Variants in GTPBP4 observed in about 807,000 individuals in gnomAD.
The protein encoded by GTPBP4 is GTP-binding protein 4.
In GTPBP4, 15 loss-of-function variants were observed where a neutral mutation model predicts 81.7. That is an observed-to-expected ratio of 0.18 (90% CI 0.12 to 0.28). The LOEUF (loss-of-function observed/expected upper bound fraction) is 0.28. Among genes scored for constraint, GTPBP4 ranks in the 10% least tolerant of loss-of-function variants. The probability of loss-of-function intolerance (pLI) is 1.00; values close to 1 mark genes in which losing one functional copy is unlikely to be tolerated. For missense variants in GTPBP4, 847 were observed against 793.8 expected, an observed-to-expected ratio of 1.07 and a Z score of -0.81; for synonymous variants, 272 against 274.6, an observed-to-expected ratio of 0.99 and a Z score of 0.09.
In GTPBP4 at chr10:1,019,916, T is replaced by C. The variant is rs572501482; in HGVS notation, c.*2689T>C. ...AGAAAAATAGAGAAAATAAACACATTTGTTTTCCTCAGAAAATGAACACTT... is the reference window on the plus strand; with the variant it reads ...AGAAAAATAGAGAAAATAAACACATCTGTTTTCCTCAGAAAATGAACACTT... On this transcript the variant is annotated 3_prime_UTR_variant, in exon 17 of 17. Coordinates refer to ENST00000360803, the MANE Select transcript of GTPBP4 (RefSeq NM_012341.3). The C allele has an allele frequency of 1.5e-4, 152 of 1,046,562 alleles. No individual in the cohort carries two copies. The African/African-American group carries it at 2.2e-3, about 15-fold the overall frequency. The allele number at this position is 1,046,562 out of a possible 1,614,324, so 64.8% of individuals were successfully genotyped here.
chr10:1,007,098 C>T lies in GTPBP4; in HGVS notation c.1083C>T (p.His361=), dbSNP rs1281172051. 1.9e-6 allele frequency: 3 copies of T among 1,607,674 alleles called. No individual in the cohort carries two copies. Among genetic ancestry groups the T allele is most frequent in the African/African-American group, 1.3e-5 (1 of 74,938 alleles). ...TGAATGAGGTGCTGAATAGACTGCA[C>T]CTGGCTATCCCAACCAGGAGGGACG... ...NKVNEVLNRL[H]LAIPTRRDDK... is the part of the protein sequence containing the mutation. Residue 361 remains histidine (H), a synonymous_variant, in exon 10 of 17, where the codon CAC becomes CAT. Transcript: ENST00000360803.
chr10:997,173 G>C (rs1444139377), intron 4 of GTPBP4, 35 bp from the exon 5 acceptor site: 1 of 1,219,438 alleles, frequency 8.2e-7, no homozygotes, highest in Non-Finnish European at 1.2e-6. Context: ...CTTAAACTTT[G>C]AATTTCTTAA....
At chr10:1,005,681 G>A in intron 8 of GTPBP4, 137 bp from the exon 9 acceptor site, 1 of 619,722 alleles carries the variant, frequency 1.6e-6, no homozygotes, top group Non-Finnish European at 2.9e-6. Flanking sequence ...CTGTTTTTAG[G>A]ATATGTCTGT....
chr10:991,389 GA>G, intron 1 of GTPBP4, among the ~76,000 whole-genome samples: 1 of 152,330 alleles, frequency 6.6e-6, no homozygotes, highest in African/African-American at 2.4e-5. Context: ...GAATCCTGGG[GA>G]TCGGATCCTT....
At position 1,017,319 on chromosome 10, in the gene GTPBP4, A is replaced by T. The variant is rs1003282100; in HGVS notation, c.*92A>T. On this transcript the variant is annotated 3_prime_UTR_variant, in exon 17 of 17. Coordinates refer to ENST00000360803, the MANE Select transcript of GTPBP4 (RefSeq NM_012341.3). ...TTTCATGAAATTGGAGCTCTGTATA[A>T]ACTGAAAAAGACAAAATAAGTAAAG... 3 of 1,195,652 alleles carry T rather than the reference A, an allele frequency of 2.5e-6. No individual in the cohort carries two copies. The African/African-American group carries it at 4.6e-5, about 18-fold the overall frequency. 74.1% of individuals were successfully genotyped at this position (1,195,652 alleles called of 1,614,324 possible). A position where few individuals can be genotyped will look rare whatever the true frequency, so the allele number is the denominator to read the frequency against.
chr10:1,010,394 C>T (rs374249164), intron 12 of GTPBP4, 26 bp from the exon 13 acceptor site: 116 of 1,175,282 alleles, frequency 9.9e-5, no homozygotes, highest in East Asian at 4.1e-4. Context: ...CTGCTGTAAA[C>T]GTAACCACCT....
chr10:991,432 G>C (rs1049005349), intron 1 of GTPBP4, among the ~76,000 whole-genome samples: 1 of 152,134 alleles, frequency 6.6e-6, no homozygotes, highest in Admixed American at 6.5e-5. Context: ...TTTGCACTGG[G>C]TAACTCATGC....
chr10:1,009,069 TGGG>T, intron 11 of GTPBP4, 34 bp downstream of exon 11: 1 of 1,483,200 alleles, frequency 6.7e-7, no homozygotes, highest in Non-Finnish European at 9.4e-7. Flanking sequence ...AGTGTTCTCA[TGGG>T]GGGAGGCAGG....
chr10:1,009,972 A>G (rs556262116), intron 12 of GTPBP4, among the ~76,000 whole-genome samples: 1 of 150,104 alleles, frequency 6.7e-6, no homozygotes, highest in South Asian at 2.2e-4. Flanking sequence ...TCCAGCCTGG[A>G]CGACAGAGTG....
intron 5 of GTPBP4, 67 bp downstream of exon 5, chr10:997,375 C>G (rs563292603): frequency 1.8e-5 from 16 of 898,358 alleles, no homozygotes; most frequent in Middle Eastern, 2.2e-4. Context: ...TGTATTCTGG[C>G]GGCGTGGGAT....
chr10:997,170 T>G, intron 4 of GTPBP4, 38 bp from the exon 5 acceptor site: 1 of 1,198,460 alleles, frequency 8.3e-7, no homozygotes, highest in Non-Finnish European at 1.2e-6. Context: ...AATCTTAAAC[T>G]TTGAATTTCT....
chr10:1,000,760 C>T lies in GTPBP4; in HGVS notation c.738C>T (p.His246=). The T allele has an allele frequency of 6.2e-7, 1 of 1,607,014 alleles. No individual in the cohort carries two copies. The stretch of plus-strand genomic sequence containing the variant: ...TGCAGGCCATCACTGCCCTGGCCCA[C>T]CTCCGTGCTGCGGTCCTGTATGTGA... ...IEMQAITALA[H]LRAAVLYVMD... is the part of the protein sequence containing the mutation. The change falls in exon 7 of 17, where the codon CAC becomes CAT. Residue 246 remains histidine (H), a synonymous_variant. Coordinates refer to ENST00000360803, the MANE Select transcript of GTPBP4 (RefSeq NM_012341.3).
chr10:1,010,910 C>A (rs1831848918), intron 13 of GTPBP4, among the ~76,000 whole-genome samples: 1 of 149,816 alleles, frequency 6.7e-6, no homozygotes, highest in Admixed American at 6.6e-5. Flanking sequence ...CCCCCTACAC[C>A]ACCTTCCCCA....
chr10:1,013,964 CTGA>C (rs1310108166), intron 14 of GTPBP4, among the ~76,000 whole-genome samples: 1 of 152,178 alleles, frequency 6.6e-6, no homozygotes, highest in Non-Finnish European at 1.5e-5. Context: ...TGTCTCACCT[CTGA>C]TGGAGACGGT....
intron 6 of GTPBP4, 28 bp downstream of exon 6, chr10:999,123 A>G (rs1383470721): frequency 2.4e-6 from 3 of 1,254,860 alleles, no homozygotes; most frequent in Non-Finnish European, 3.5e-6. Flanking sequence ...ATTTTTATTC[A>G]TTTATTTATT....
At chr10:1,006,512 C>T (rs1831738159) in intron 9 of GTPBP4, among the ~76,000 whole-genome samples, 2 of 152,188 alleles carry the variant, frequency 1.3e-5, no homozygotes, top group Admixed American at 6.5e-5. Context: ...GTAGCGCATG[C>T]TTGTAATCCC....
At chr10:1,014,363 A>G (rs375532411) in intron 15 of GTPBP4, 51 bp downstream of exon 15, 7 of 1,368,908 alleles carry the variant, frequency 5.1e-6, no homozygotes, top group South Asian at 1.2e-5. Flanking sequence ...CACCTTTTTA[A>G]TAAAGAAAAC....
intron 1 of GTPBP4, chr10:989,035 A>T (rs1468975796): frequency 6.5e-6 from 1 of 153,428 alleles, no homozygotes; most frequent in Non-Finnish European, 1.5e-5. Flanking sequence ...TCCTTTTCAG[A>T]CCATAGTAGG....
At chr10:989,369 C>T (rs189941503) in intron 1 of GTPBP4, among the ~76,000 whole-genome samples, 30 of 152,300 alleles carry the variant, frequency 2.0e-4, no homozygotes, top group African/African-American at 3.6e-4. Flanking sequence ...CCCGCCCCGG[C>T]CTCCCAAAGT....
Sources: gnomAD v4.1 joint callset for allele counts (sites outside exome capture counted in the v4.1 genomes callset) on GRCh38, gnomAD v4.1.1 for gene constraint, MANE v1.5 for transcripts, NCBI Gene and HGNC (gene_info 2026-07-23, HGNC 2026-07-21) for gene names.